Variants in PPARGC1A observed in about 807,000 individuals in gnomAD.
PPARGC1A encodes PPARG coactivator 1 alpha.
Under a neutral mutation model 88.7 loss-of-function variants are expected in PPARGC1A, and 25 were observed. The ratio of observed to expected loss-of-function variants is 0.28; its 90% CI spans 0.21 to 0.39. The LOEUF (loss-of-function observed/expected upper bound fraction) is 0.39, where lower values mean the gene tolerates loss of function less well. Among genes scored for constraint, PPARGC1A ranks in the 10% least tolerant of loss-of-function variants. The pLI is 1.00. For missense variants in PPARGC1A, 880 were observed against 968.7 expected (o/e 0.91, Z 1.22); for synonymous variants, 363 against 355.6 (o/e 1.02, Z -0.24).
At chr4:24,433,677 G>A in the PPARGC1A span, among the ~76,000 whole-genome samples, 1 of 152,032 alleles carries the variant, frequency 6.6e-6, no homozygotes. Context: ...ATGCTATGTT[G>A]CAGCCATAAA....
the PPARGC1A span, among the ~76,000 whole-genome samples, chr4:23,912,085 G>A: frequency 1.3e-5 from 2 of 152,140 alleles, no homozygotes; most frequent in Non-Finnish European, 2.9e-5. Flanking sequence ...TTTTTTAAGT[G>A]GGGAAATTTT....
chr4:24,256,775 G>A, the PPARGC1A span, among the ~76,000 whole-genome samples: 10 of 152,268 alleles, frequency 6.6e-5, no homozygotes, highest in African/African-American at 2.4e-4. Flanking sequence ...ATGGGCACAC[G>A]TGATTCCAGA....
the PPARGC1A span, among the ~76,000 whole-genome samples, chr4:24,285,861 G>A: frequency 2.0e-5 from 3 of 151,948 alleles, no homozygotes; most frequent in Non-Finnish European, 4.4e-5. Context: ...ATGTGATTTC[G>A]TTTCTCCCCA....
chr4:23,796,729 C>T (rs891250026), intron 12 of PPARGC1A, among the ~76,000 whole-genome samples: 11 of 152,074 alleles, frequency 7.2e-5, no homozygotes, highest in African/African-American at 2.7e-4. Flanking sequence ...GATATTTCTG[C>T]TGGTCTTGCA....
chr4:23,813,585 C>G, intron 8 of PPARGC1A, 105 bp downstream of exon 8: 1 of 1,048,500 alleles, frequency 9.5e-7, no homozygotes, highest in South Asian at 1.8e-5. Flanking sequence ...TTGCAGTGGT[C>G]AGGGGCCAGA....
At chr4:24,464,559 A>G in the PPARGC1A span, among the ~76,000 whole-genome samples, 1 of 152,188 alleles carries the variant, frequency 6.6e-6, no homozygotes, top group Non-Finnish European at 1.5e-5. Context: ...TTATTACACA[A>G]CCAACACACT....
the PPARGC1A span, among the ~76,000 whole-genome samples, chr4:24,168,317 T>G: frequency 6.6e-6 from 1 of 152,294 alleles, no homozygotes; most frequent in Middle Eastern, 3.4e-3. Flanking sequence ...CACATTTAGA[T>G]GAACAAGGGT....
the PPARGC1A span, among the ~76,000 whole-genome samples, chr4:24,180,545 G>C: frequency 2.6e-5 from 4 of 152,124 alleles, no homozygotes; most frequent in South Asian, 2.1e-4. Context: ...ATCTCTGATG[G>C]AAAGGACAAT....
the PPARGC1A span, among the ~76,000 whole-genome samples, chr4:24,019,595 A>G: frequency 3.9e-5 from 6 of 152,302 alleles, no homozygotes; most frequent in African/African-American, 1.4e-4. Flanking sequence ...CGTGTATCTA[A>G]GGGTTGAGTT....
chr4:24,300,370 T>C, the PPARGC1A span, among the ~76,000 whole-genome samples: 1 of 111,274 alleles, frequency 9.0e-6, no homozygotes, highest in African/African-American at 3.5e-5. Context: ...TTTTTTTTGC[T>C]TAAGTTAAAA....
chr4:24,071,071 A>G, the PPARGC1A span, among the ~76,000 whole-genome samples: 1 of 152,194 alleles, frequency 6.6e-6, no homozygotes, highest in Admixed American at 6.5e-5. Context: ...CTACCTGATC[A>G]AACGCTTTCT....
At chr4:24,438,114 G>A in the PPARGC1A span, among the ~76,000 whole-genome samples, 1 of 152,188 alleles carries the variant, frequency 6.6e-6, no homozygotes, top group African/African-American at 2.4e-5. Context: ...TCGCCAGGGA[G>A]ATGGAGAAAG....
At chr4:24,225,250 A>G in the PPARGC1A span, among the ~76,000 whole-genome samples, 11 of 152,182 alleles carry the variant, frequency 7.2e-5, no homozygotes, top group Admixed American at 1.3e-4. Flanking sequence ...ACAGGCTTGG[A>G]CCACAGCGAT....
At chr4:23,910,006 C>T in the PPARGC1A span, among the ~76,000 whole-genome samples, 1 of 148,756 alleles carries the variant, frequency 6.7e-6, no homozygotes, top group Non-Finnish European at 1.5e-5. Flanking sequence ...GAAAATTGTT[C>T]TTTAATCCAT....
At chr4:24,135,178 G>C in the PPARGC1A span, among the ~76,000 whole-genome samples, 1 of 152,164 alleles carries the variant, frequency 6.6e-6, no homozygotes, top group Non-Finnish European at 1.5e-5. Context: ...AAACCAAAAT[G>C]GCTATCCTAT....
chr4:24,238,917 C>T, the PPARGC1A span, among the ~76,000 whole-genome samples: 1 of 152,022 alleles, frequency 6.6e-6, no homozygotes, highest in South Asian at 2.1e-4. Flanking sequence ...CTGCTTGAGA[C>T]ATTCTTTGGG....
At chr4:24,042,302 C>T in the PPARGC1A span, among the ~76,000 whole-genome samples, 2 of 152,104 alleles carry the variant, frequency 1.3e-5, no homozygotes, top group Non-Finnish European at 2.9e-5. Flanking sequence ...CAATAGAAAA[C>T]AGGCATGGAT....
the PPARGC1A span, among the ~76,000 whole-genome samples, chr4:23,990,464 C>T: frequency 1.3e-5 from 2 of 152,066 alleles, no homozygotes; most frequent in African/African-American, 2.4e-5. Flanking sequence ...TGTGTTCTTA[C>T]AGTAATTACT....
intron 2 of PPARGC1A, among the ~76,000 whole-genome samples, chr4:23,880,242 T>C (rs1715659822): frequency 6.6e-6 from 1 of 152,220 alleles, no homozygotes; most frequent in Non-Finnish European, 1.5e-5. Context: ...CAGCCTTGCA[T>C]GGTTTCCTAA....
Sources: gnomAD v4.1 joint callset for allele counts (sites outside exome capture counted in the v4.1 genomes callset) on GRCh38, gnomAD v4.1.1 for gene constraint, MANE v1.5 for transcripts, NCBI Gene and HGNC (gene_info 2026-07-23, HGNC 2026-07-21) for gene names.